Variants in NANS observed in about 807,000 individuals in gnomAD.
NANS encodes N-acetylneuraminate synthase, also known as N-acetylneuraminate-9-phosphate synthase.
NANS carries 29 observed loss-of-function variants against 33.3 expected under a neutral mutation model. The ratio of observed to expected loss-of-function variants is 0.87; its 90% CI spans 0.65 to 1.19. NANS has a LOEUF of 1.19. Ranked by LOEUF, NANS falls within the 50% of genes most tolerant of loss-of-function variation. The pLI is 0.00. For synonymous variants in NANS, 163 were observed against 177.2 expected, an observed-to-expected ratio of 0.92 and a Z score of 0.64; for missense variants, 394 against 461.1, an observed-to-expected ratio of 0.85 and a Z score of 1.33.
At chr9:98,079,520 A>G (rs1829754073) in intron 4 of NANS, among the ~76,000 whole-genome samples, 1 of 152,126 alleles carries the variant, frequency 6.6e-6, no homozygotes, top group Non-Finnish European at 1.5e-5. Context: ...CTTTTTACCT[A>G]AACTTTCTGT....
chr9:98,075,267 T>C (rs930251790), intron 2 of NANS: 5 of 150,718 alleles, frequency 3.3e-5, no homozygotes, highest in Non-Finnish European at 5.9e-5. Flanking sequence ...CTGGGCAACA[T>C]AGCAAGACCC....
chr9:98,065,098 C>T (rs1211073772), intron 2 of NANS, among the ~76,000 whole-genome samples: 4 of 152,134 alleles, frequency 2.6e-5, no homozygotes, highest in African/African-American at 9.7e-5. Context: ...AGCCTGCATT[C>T]AGAAAGGAAT....
intron 3 of NANS, 35 bp from the exon 4 acceptor site, chr9:98,078,158 G>C (rs374277406): frequency 3.3e-5 from 54 of 1,613,780 alleles, no homozygotes; most frequent in Admixed American, 5.0e-5. Flanking sequence ...CCTCTAAAGA[G>C]AAAGTGCTGA....
chr9:98,077,162 T>C (rs984584384), intron 3 of NANS, 145 bp downstream of exon 3: 2 of 640,586 alleles, frequency 3.1e-6, no homozygotes, highest in Non-Finnish European at 5.2e-6. Context: ...AGGGTCTCGC[T>C]GTGTTGGCCA....
intron 3 of NANS, 48 bp downstream of exon 3, chr9:98,077,065 A>G (rs1262718448): frequency 7.3e-7 from 1 of 1,377,842 alleles, no homozygotes; most frequent in Non-Finnish European, 1.0e-6. Flanking sequence ...CCAAACCTTC[A>G]TATTTTTACT....
At chr9:98,057,418 C>A (rs1433752914) in intron 1 of NANS, among the ~76,000 whole-genome samples, 2 of 152,158 alleles carry the variant, frequency 1.3e-5, no homozygotes, top group African/African-American at 4.8e-5. Context: ...ACCCGCCATT[C>A]CCTGTATATG....
At chr9:98,060,219 G>T (rs1828934747) in intron 1 of NANS, among the ~76,000 whole-genome samples, 1 of 152,088 alleles carries the variant, frequency 6.6e-6, no homozygotes, top group African/African-American at 2.4e-5. Context: ...AAGGAAAAAA[G>T]TCCCATTTTT....
In NANS at chr9:98,080,992, C is replaced by T. The variant is rs754394070; in HGVS notation, c.780C>T (p.Ala260=). 1.2e-5 allele frequency: 20 copies of T among 1,614,158 alleles called. No individual in the cohort carries two copies. The highest frequency in any genetic ancestry group is 3.3e-5 in the Admixed American group (2 of 60,010). ...CCTCGCTGGAGCCTGGAGAACTGGC[C>T]GAGCTGGTGCGGTCAGTGCGTCTTG... ...HSASLEPGEL[A]ELVRSVRLVE... is the part of the protein sequence containing the mutation. The change falls in exon 5 of 6, where the codon GCC becomes GCT. Residue 260 remains alanine (A), a synonymous_variant. Transcript: ENST00000210444.
intron 4 of NANS, among the ~76,000 whole-genome samples, chr9:98,079,295 A>T (rs1829739465): frequency 6.6e-6 from 1 of 152,212 alleles, no homozygotes; most frequent in African/African-American, 2.4e-5. Context: ...GAAAATATGT[A>T]TGTAATTATC....
intron 2 of NANS, among the ~76,000 whole-genome samples, chr9:98,062,777 G>GTTTTTTTTT (rs765558300): frequency 9.1e-6 from 1 of 109,314 alleles, no homozygotes. Context: ...AGTTATTTCA[G>GTTTTTTTTT]TTTTTTTTTT....
intron 2 of NANS, among the ~76,000 whole-genome samples, chr9:98,066,586 A>G (rs2131629104): frequency 6.6e-6 from 1 of 152,264 alleles, no homozygotes; most frequent in African/African-American, 2.4e-5. Context: ...CCCCCAAAGG[A>G]AAAACTACCT....
intron 4 of NANS, among the ~76,000 whole-genome samples, chr9:98,080,356 G>A (rs759304025): frequency 5.3e-5 from 8 of 152,078 alleles, no homozygotes; most frequent in African/African-American, 1.2e-4. Flanking sequence ...TATAGATAAC[G>A]GATTAATTAT....
At chr9:98,069,071 C>G (rs1173001777) in intron 2 of NANS, among the ~76,000 whole-genome samples, 6 of 152,116 alleles carry the variant, frequency 3.9e-5, no homozygotes, top group African/African-American at 1.4e-4. Flanking sequence ...ATATGACCCA[C>G]CAGTTGTCAT....
In NANS at chr9:98,061,017, G is replaced by A. The variant is rs1828959193; in HGVS notation, c.348+20G>A. On this transcript the variant is annotated intron_variant, in intron 2 of 5. Transcript: ENST00000210444. ...GATGAGGTGAGTCCTCTGCTGCTCT[G>A]TCATTTGTCACTTTAGCAGACCAAG... The A allele has an allele frequency of 6.2e-7, 1 of 1,610,642 alleles. No homozygotes were observed. The highest frequency in any genetic ancestry group is 1.7e-5 in the Admixed American group (1 of 59,974).
intron 2 of NANS, among the ~76,000 whole-genome samples, chr9:98,072,299 G>C (rs1564160915): frequency 6.6e-6 from 1 of 152,202 alleles, no homozygotes; most frequent in Non-Finnish European, 1.5e-5. Flanking sequence ...AGAACCCTTT[G>C]GAGTTTTTCT....
rs1157147082 is a variant in NANS, at chr9:98,056,824, G to C, written c.16G>C (p.Glu6Gln). MPLEL[E>Q]LCPGRWVGGQ... The stretch of plus-strand genomic sequence containing the variant: ...AGCCGCTGCAATGCCGCTGGAGCTG[G>C]AGCTGTGTCCCGGGCGCTGGGTGGG... The change falls in exon 1 of 6, where the codon GAG becomes CAG. Residue 6 changes from glutamate (E) to glutamine (Q), a missense_variant. Coordinates refer to ENST00000210444, the MANE Select transcript of NANS (RefSeq NM_018946.4). 1 of 1,611,980 alleles carries C rather than the reference G, an allele frequency of 6.2e-7. No individual in the cohort carries two copies. The highest frequency in any genetic ancestry group is 1.7e-5 in the Admixed American group (1 of 59,948).
intron 2 of NANS, among the ~76,000 whole-genome samples, chr9:98,072,599 C>T (rs1829390403): frequency 6.6e-6 from 1 of 152,072 alleles, no homozygotes; most frequent in African/African-American, 2.4e-5. Context: ...TTAGTAGAGA[C>T]AGAGTTTCAC....
chr9:98,071,918 A>G (rs529127211), intron 2 of NANS, among the ~76,000 whole-genome samples: 2 of 152,328 alleles, frequency 1.3e-5, no homozygotes, highest in African/African-American at 2.4e-5. Flanking sequence ...AGGCGGAGTC[A>G]CTTCTTTAGG....
chr9:98,072,702 C>T (rs1829396552), intron 2 of NANS, among the ~76,000 whole-genome samples: 1 of 152,154 alleles, frequency 6.6e-6, no homozygotes, highest in South Asian at 2.1e-4. Flanking sequence ...AGCCACCGTG[C>T]CCGGCAGGAA....
Sources: gnomAD v4.1 joint callset for allele counts (sites outside exome capture counted in the v4.1 genomes callset) on GRCh38, gnomAD v4.1.1 for gene constraint, MANE v1.5 for transcripts, NCBI Gene and HGNC (gene_info 2026-07-23, HGNC 2026-07-21) for gene names.